Variants in GABRB3 observed in about 807,000 individuals in gnomAD.
GABRB3 encodes the protein gamma-aminobutyric acid receptor subunit beta-3.
A neutral mutation model predicts 52.1 loss-of-function variants in GABRB3; 14 were observed. That is an observed-to-expected ratio of 0.27 (90% CI 0.18 to 0.42). The LOEUF (loss-of-function observed/expected upper bound fraction) is 0.42. Ranked by LOEUF, GABRB3 falls within the 10% of genes least tolerant of loss-of-function variation. GABRB3 has a pLI of 1.00. For synonymous variants in GABRB3, 260 were observed against 232.3 expected (o/e 1.12, Z -1.08); for missense variants, 307 against 609.1 (o/e 0.50, Z 5.22).
At chr15:26,772,847 C>G in intron 1 of GABRB3, 36 bp downstream of exon 1, 1 of 1,454,718 alleles carries the variant, frequency 6.9e-7, no homozygotes, top group Admixed American at 2.5e-5. Context: ...CACCCCGCGC[C>G]CTGCCCGCCG....
intron 3 of GABRB3, among the ~76,000 whole-genome samples, chr15:26,690,055 A>T (rs1888536728): frequency 2.0e-5 from 3 of 151,714 alleles, no homozygotes. Flanking sequence ...GCCATACCCC[A>T]CTAGATACAG....
intron 3 of GABRB3, among the ~76,000 whole-genome samples, chr15:26,650,663 C>T (rs77572973): frequency 6.6e-6 from 1 of 152,112 alleles, no homozygotes; most frequent in East Asian, 2.0e-4. Flanking sequence ...CCCCACCCTT[C>T]ACCTATTTTA....
Position 26,629,237 on chromosome 15 carries a change from G to T in GABRB3, c.241-7703C>A. On this transcript the variant is annotated intron_variant, in intron 3 of 8. Coordinates refer to ENST00000311550, the MANE Select transcript of GABRB3 (RefSeq NM_000814.6). ...GGGGCGGGGCCTGGAAAGGAGGGCA[G>T]CGCGGAAGCTTGGCCCCGAGAGGGA... 4 of 1,374,260 alleles carry T rather than the reference G, an allele frequency of 2.9e-6. No individual in the cohort carries two copies. The South Asian group carries it at 4.5e-5, about 15-fold the overall frequency. The allele number at this position is 1,374,260 out of a possible 1,614,324, so 85.1% of individuals were successfully genotyped here. A position where few individuals can be genotyped will look rare whatever the true frequency, so the allele number is the denominator to read the frequency against.
chr15:26,730,428 A>G (rs1889880515), intron 3 of GABRB3, among the ~76,000 whole-genome samples: 1 of 151,716 alleles, frequency 6.6e-6, no homozygotes, highest in African/African-American at 2.4e-5. Context: ...AAAAAAAAAA[A>G]AAAAAAAAAA....
At chr15:26,697,230 C>A (rs371952624) in intron 3 of GABRB3, among the ~76,000 whole-genome samples, 1 of 152,056 alleles carries the variant, frequency 6.6e-6, no homozygotes, top group Non-Finnish European at 1.5e-5. Context: ...AACACATTAC[C>A]CTAAGTAATG....
intron 3 of GABRB3, among the ~76,000 whole-genome samples, chr15:26,733,195 A>C (rs1361689727): frequency 6.6e-6 from 1 of 152,184 alleles, no homozygotes; most frequent in African/African-American, 2.4e-5. Flanking sequence ...CAAATTGGAA[A>C]GAAAAAAGTA....
At chr15:26,577,144 C>T (rs777273777) in intron 6 of GABRB3, among the ~76,000 whole-genome samples, 1 of 151,988 alleles carries the variant, frequency 6.6e-6, no homozygotes, top group South Asian at 2.1e-4. Context: ...CAGAGGCAGC[C>T]CTTAAGGAGA....
chr15:26,629,939 G>A (rs1892867284), intron 3 of GABRB3, among the ~76,000 whole-genome samples: 1 of 152,020 alleles, frequency 6.6e-6, no homozygotes, highest in Non-Finnish European at 1.5e-5. Context: ...AAGGTGCAGC[G>A]CCAATCCTGA....
intron 3 of GABRB3, among the ~76,000 whole-genome samples, chr15:26,703,180 G>A (rs1461911399): frequency 6.6e-6 from 1 of 152,132 alleles, no homozygotes; most frequent in Non-Finnish European, 1.5e-5. Flanking sequence ...TAAGACTGGG[G>A]AATTTATAAA....
rs772263479 is a variant in GABRB3, at chr15:26,772,766, G to C, written c.87C>G (p.Asn29Lys). 6.4e-7 allele frequency: 1 copy of C among 1,554,742 alleles called. No homozygotes were observed. The highest frequency in any genetic ancestry group is 8.7e-7 in the Non-Finnish European group (1 of 1,149,284). The change falls in exon 2 of 9, where the codon AAC becomes AAG. Residue 29 changes from asparagine to lysine, a missense_variant. Transcript: ENST00000311550. ...VAVVCCAQSVNDPGNMSFVKE... is the reference protein window; with the variant it reads ...VAVVCCAQSVKDPGNMSFVKE... ...TCACAAAGGACATGTTCCCGGGATC[G>C]TTCACACTGGGGGAGGGACGGGGAG...
At chr15:26,706,435 G>GC (rs996445307) in intron 3 of GABRB3, among the ~76,000 whole-genome samples, 1 of 139,348 alleles carries the variant, frequency 7.2e-6, no homozygotes, top group African/African-American at 2.5e-5. Flanking sequence ...ATCAAATTGA[G>GC]GGGTTTTTTT....
Position 26,712,801 on chromosome 15 carries a change from A to G in GABRB3, c.240+59601T>C, listed in dbSNP as rs186709005. 2.6e-5 allele frequency among the ~76,000 whole-genome samples: 4 copies of G among 152,302 alleles called. No homozygotes were observed. The East Asian group carries it at 5.8e-4, about 22-fold the overall frequency. On this transcript the variant is annotated intron_variant, in intron 3 of 8. Coordinates refer to ENST00000311550, the MANE Select transcript of GABRB3 (RefSeq NM_000814.6). ...GAGGAGATGCCCTTGAGGAGACCAC[A>G]GCAAACAGCTGGGAGGCACAGAGCA...
chr15:26,604,368 T>C (rs1891702653), intron 4 of GABRB3, among the ~76,000 whole-genome samples: 1 of 152,100 alleles, frequency 6.6e-6, no homozygotes, highest in South Asian at 2.1e-4. Context: ...TTCAATGTAA[T>C]CTCTATTGAA....
intron 3 of GABRB3, among the ~76,000 whole-genome samples, chr15:26,707,233 G>A (rs1445266610): frequency 1.3e-5 from 2 of 152,188 alleles, no homozygotes; most frequent in African/African-American, 4.8e-5. Flanking sequence ...AGCAGGACAG[G>A]CATGTTCCCA....
intron 3 of GABRB3, among the ~76,000 whole-genome samples, chr15:26,720,134 A>G (rs1031035628): frequency 3.3e-4 from 49 of 147,180 alleles, no homozygotes; most frequent in African/African-American, 1.2e-3. Context: ...TGAGCACCTC[A>G]TGACCCCCAC....
At chr15:26,618,791 A>C (rs1892364987) in intron 4 of GABRB3, among the ~76,000 whole-genome samples, 1 of 152,174 alleles carries the variant, frequency 6.6e-6, no homozygotes, top group East Asian at 1.9e-4. Flanking sequence ...TAATATCCAG[A>C]ATCCACAATG....
At chr15:26,596,407 T>C (rs1405021129) in intron 4 of GABRB3, among the ~76,000 whole-genome samples, 1 of 152,038 alleles carries the variant, frequency 6.6e-6, no homozygotes, top group Non-Finnish European at 1.5e-5. Flanking sequence ...AAAACATGAA[T>C]TGTCCTGGCT....
At chr15:26,768,635 T>C (rs1259928915) in intron 3 of GABRB3, among the ~76,000 whole-genome samples, 3 of 152,170 alleles carry the variant, frequency 2.0e-5, no homozygotes, top group East Asian at 3.8e-4. Context: ...GACAGTGTTA[T>C]TGGACATACG....
intron 3 of GABRB3, among the ~76,000 whole-genome samples, chr15:26,681,511 A>G (rs1195676965): frequency 6.6e-6 from 1 of 152,036 alleles, no homozygotes; most frequent in Non-Finnish European, 1.5e-5. Context: ...CCCTCCTCCA[A>G]CGGGCTATGG....
Sources: allele counts gnomAD v4.1 joint callset (sites outside exome capture counted in the v4.1 genomes callset), GRCh38; gene constraint gnomAD v4.1.1; transcripts MANE v1.5; gene names NCBI Gene and HGNC (gene_info 2026-07-23, HGNC 2026-07-21).